Variants in CTNNA2 observed in about 807,000 individuals in gnomAD.
CTNNA2 encodes the protein catenin alpha-2.
Under a neutral mutation model 101.0 loss-of-function variants are expected in CTNNA2, and 42 were observed. The observed-to-expected ratio is 0.42, with a 90% CI of 0.32 to 0.54. The LOEUF is 0.54. CTNNA2 is among the 20% of genes least tolerant of loss of function. The pLI, the probability that CTNNA2 is intolerant of heterozygous loss-of-function variation, is 0.14. For synonymous variants in CTNNA2, 450 were observed against 456.4 expected (o/e 0.99, Z 0.18); for missense variants, 871 against 1,223.1 (o/e 0.71, Z 4.29).
chr2:80,217,948 C>T (rs1708364241), intron 7 of CTNNA2, among the ~76,000 whole-genome samples: 1 of 152,144 alleles, frequency 6.6e-6, no homozygotes, highest in Admixed American at 6.5e-5. Flanking sequence ...ATTAATGAGG[C>T]CATATCACAG....
intron 1 of CTNNA2, among the ~76,000 whole-genome samples, chr2:79,573,339 T>A (rs1675580720): frequency 6.6e-6 from 1 of 152,174 alleles, no homozygotes; most frequent in Non-Finnish European, 1.5e-5. Flanking sequence ...AAGTTTTATT[T>A]GTTCCTAGCC....
intron 18 of CTNNA2, among the ~76,000 whole-genome samples, chr2:80,620,256 T>A (rs1160125740): frequency 6.6e-6 from 1 of 151,776 alleles, no homozygotes; most frequent in Non-Finnish European, 1.5e-5. Context: ...TCATCCCTTT[T>A]TTTTTTCCTA....
intron 1 of CTNNA2, among the ~76,000 whole-genome samples, chr2:79,616,970 C>G (rs568847786): frequency 6.6e-6 from 1 of 151,106 alleles, no homozygotes; most frequent in Non-Finnish European, 1.5e-5. Flanking sequence ...GGTGCAATCT[C>G]GGCTCACTGC....
intron 4 of CTNNA2, among the ~76,000 whole-genome samples, chr2:79,378,729 C>T (rs1297491983): frequency 6.6e-6 from 1 of 152,118 alleles, no homozygotes; most frequent in Admixed American, 6.6e-5. Context: ...TTACATGAAG[C>T]AGAATGCCCA....
intron 3 of CTNNA2, among the ~76,000 whole-genome samples, chr2:79,799,301 T>G (rs532917001): frequency 3.3e-5 from 5 of 152,192 alleles, no homozygotes; most frequent in Middle Eastern, 3.4e-3. Flanking sequence ...CTTATTCTTT[T>G]TTTTTAACAG....
At chr2:79,193,453 C>A (rs892695060) in intron 1 of CTNNA2, among the ~76,000 whole-genome samples, 1 of 152,140 alleles carries the variant, frequency 6.6e-6, no homozygotes, top group African/African-American at 2.4e-5. Context: ...GGTACGTACC[C>A]TAGGAACAGT....
At chr2:79,778,599 A>G (rs564336601) in intron 3 of CTNNA2, among the ~76,000 whole-genome samples, 1 of 152,200 alleles carries the variant, frequency 6.6e-6, no homozygotes, top group Non-Finnish European at 1.5e-5. Flanking sequence ...ATATACATAC[A>G]TATATACACA....
At chr2:80,251,877 T>A (rs911759891) in intron 7 of CTNNA2, among the ~76,000 whole-genome samples, 1 of 152,192 alleles carries the variant, frequency 6.6e-6, no homozygotes, top group African/African-American at 2.4e-5. Flanking sequence ...TGCCTTCACA[T>A]TTTGAAATCC....
intron 2 of CTNNA2, among the ~76,000 whole-genome samples, chr2:79,224,394 A>T (rs185873547): frequency 6.6e-6 from 1 of 152,282 alleles, no homozygotes. Flanking sequence ...TACCATGAAC[A>T]TTCAAATATC....
chr2:79,911,658 GT>G, intron 7 of CTNNA2, among the ~76,000 whole-genome samples: 1 of 152,220 alleles, frequency 6.6e-6, no homozygotes, highest in South Asian at 2.1e-4. Context: ...TGAAATCTTA[GT>G]TTCTATTTTG....
chr2:79,242,969 A>ATATATAT (rs1674646204), intron 2 of CTNNA2, among the ~76,000 whole-genome samples: 4 of 127,332 alleles, frequency 3.1e-5, no homozygotes, highest in African/African-American at 1.2e-4. Flanking sequence ...CCTGTCTCGA[A>ATATATAT]ATATATATAT....
chr2:80,438,406 T>C lies in CTNNA2; in HGVS notation c.1290+18805T>C, dbSNP rs551696883. On this transcript the variant is annotated intron_variant, in intron 9 of 18. Transcript: ENST00000402739. ...TAACGATGCCAAATGTTTTTTTTTT[T>C]CCGTTTGTTTGTTAGTTTTTTTGTT... Among the ~76,000 whole-genome samples the C allele has an allele frequency of 5.4e-5, 8 of 147,692 alleles. 1 individual carries two copies. Among genetic ancestry groups the C allele is most frequent in the African/African-American group, 2.1e-4 (8 of 38,104 alleles).
At chr2:80,127,293 A>G (rs7578890) in intron 7 of CTNNA2, among the ~76,000 whole-genome samples, 34,138 of 152,022 alleles carry the variant, frequency 0.22, 4,339 homozygotes, top group East Asian at 0.5. Flanking sequence ...AGCTGCATAT[A>G]TGTTTGTTAT....
At chr2:79,422,665 A>G (rs576452928) in intron 4 of CTNNA2, among the ~76,000 whole-genome samples, 1 of 152,350 alleles carries the variant, frequency 6.6e-6, no homozygotes. Flanking sequence ...CTCAGAATGT[A>G]TTAAAAAGAA....
chr2:80,503,304 A>G (rs1471851570), intron 9 of CTNNA2, among the ~76,000 whole-genome samples: 27 of 152,204 alleles, frequency 1.8e-4, no homozygotes, highest in Non-Finnish European at 2.9e-5. Context: ...CCACCTATTA[A>G]TTTCAGAGAA....
intron 4 of CTNNA2, among the ~76,000 whole-genome samples, chr2:79,479,538 T>C (rs1671086050): frequency 6.6e-6 from 1 of 152,208 alleles, no homozygotes; most frequent in South Asian, 2.1e-4. Context: ...AGTGAGTTTC[T>C]CTCAGAACTC....
intron 7 of CTNNA2, among the ~76,000 whole-genome samples, chr2:80,042,582 A>G (rs1480998974): frequency 1.3e-5 from 2 of 151,996 alleles, no homozygotes; most frequent in Non-Finnish European, 2.9e-5. Flanking sequence ...CAATCAAACA[A>G]TGTGTCGAGA....
chr2:79,615,900 A>T (rs1043286618), intron 1 of CTNNA2, among the ~76,000 whole-genome samples: 1 of 152,164 alleles, frequency 6.6e-6, no homozygotes, highest in African/African-American at 2.4e-5. Flanking sequence ...AATCACGTAA[A>T]AATATTCTGT....
intron 18 of CTNNA2, among the ~76,000 whole-genome samples, chr2:80,645,261 G>C (rs1463179975): frequency 6.6e-6 from 1 of 152,116 alleles, no homozygotes; most frequent in Admixed American, 6.6e-5. Context: ...AAAGGTGTTA[G>C]GTATTTAGCT....
Sources: gnomAD v4.1 joint callset for allele counts (sites outside exome capture counted in the v4.1 genomes callset) on GRCh38, gnomAD v4.1.1 for gene constraint, MANE v1.5 for transcripts, NCBI Gene and HGNC (gene_info 2026-07-23, HGNC 2026-07-21) for gene names.